The following PLIN4 variants were observed in gnomAD, a reference collection of about 807,000 sequenced individuals.
PLIN4 encodes perilipin-4.
In PLIN4, 57 loss-of-function variants were observed where a neutral mutation model predicts 52.4. The ratio of observed to expected loss-of-function variants is 1.09; its 90% CI spans 0.88 to 1.36. The LOEUF is 1.36. Among genes scored for constraint, PLIN4 ranks in the 40% most tolerant of loss-of-function variants. The probability of loss-of-function intolerance (pLI) is 0.00; values close to 1 mark genes in which losing one functional copy is unlikely to be tolerated. For synonymous variants in PLIN4, 826 were observed against 785.4 expected, an observed-to-expected ratio of 1.05 and a Z score of -0.86; for missense variants, 1,757 against 1,770.3, an observed-to-expected ratio of 0.99 and a Z score of 0.13.
At chr19:4,509,481 C>T (rs1361720818) in intron 5 of PLIN4, among the ~76,000 whole-genome samples, 2 of 150,338 alleles carry the variant, frequency 1.3e-5, no homozygotes, top group Non-Finnish European at 3.0e-5. Flanking sequence ...AATAATTAGC[C>T]GGGTGTGGTG....
intron 4 of PLIN4, 147 bp from the exon 5 acceptor site, chr19:4,513,848 C>G: frequency 9.7e-7 from 1 of 1,032,348 alleles, no homozygotes; most frequent in Non-Finnish European, 1.4e-6. Flanking sequence ...CAAGCTGCTT[C>G]CTCCTCACCC....
In PLIN4 at chr19:4,504,174, A is replaced by G; in HGVS notation, c.*285T>C. ...ATTGCAGTGCTTGCTTGGGGACTTC[A>G]AGGGAAGGCTCTTGGCTGGTGGTCT... On this transcript the variant is annotated 3_prime_UTR_variant, in exon 8 of 8. Transcript: ENST00000301286. The G allele has an allele frequency of 2.6e-6, 1 of 378,786 alleles. No individual in the cohort carries two copies. The highest frequency in any genetic ancestry group is 4.7e-6 in the Non-Finnish European group (1 of 212,356). 23.5% of individuals were successfully genotyped at this position (378,786 alleles called of 1,614,324 possible). A position where few individuals can be genotyped will look rare whatever the true frequency, so the allele number is the denominator to read the frequency against.
rs1392020838 is a variant in PLIN4 at position 4,502,700 on chromosome 19, T to G, written c.*1759A>C. The G allele has an allele frequency of 6.2e-6, 1 of 160,878 alleles. No homozygotes were observed. The highest frequency in any genetic ancestry group is 2.4e-5 in the African/African-American group (1 of 41,498). 10.0% of individuals were successfully genotyped at this position (160,878 alleles called of 1,614,324 possible). A position where few individuals can be genotyped will look rare whatever the true frequency, so the allele number is the denominator to read the frequency against. ...CCAGCTGTGTCACCCACACACCGTG[T>G]GACTTTGGACAGGTTCCCCTCCCAC... On this transcript the variant is annotated 3_prime_UTR_variant, in exon 8 of 8. Coordinates refer to ENST00000301286, the MANE Select transcript of PLIN4 (RefSeq NM_001367868.2).
intron 4 of PLIN4, among the ~76,000 whole-genome samples, chr19:4,514,570 AC>A (rs1489735965): frequency 2.6e-5 from 4 of 151,854 alleles, no homozygotes; most frequent in African/African-American, 7.3e-5. Context: ...CTAAAAAAAT[AC>A]AAAAAATTAG....
rs767768172 is a variant in PLIN4, at chr19:4,502,216, T to A, written c.*2243A>T. 31 of 661,548 alleles carry A rather than the reference T, an allele frequency of 4.7e-5. 1 individual carries two copies. The South Asian group carries it at 5.0e-4, about 11-fold the overall frequency. 41.0% of individuals were successfully genotyped at this position (661,548 alleles called of 1,614,324 possible). A position where few individuals can be genotyped will look rare whatever the true frequency, so the allele number is the denominator to read the frequency against. On this transcript the variant is annotated 3_prime_UTR_variant, in exon 8 of 8. Transcript: ENST00000301286. ...GTTTTTTAATGAAAAAAGAAATCAC[T>A]TTTATTGGCTTGGTTTTCTAGCATT...
At chr19:4,516,533 C>G in intron 4 of PLIN4, 84 bp downstream of exon 4, 1 of 1,474,392 alleles carries the variant, frequency 6.8e-7, no homozygotes, top group African/African-American at 1.4e-5. Flanking sequence ...AGCAGCCCCC[C>G]AGATAGCAGG....
At chr19:4,516,902 A>T (rs1976599040) in intron 3 of PLIN4, among the ~76,000 whole-genome samples, 1 of 152,162 alleles carries the variant, frequency 6.6e-6, no homozygotes, top group South Asian at 2.1e-4. Context: ...TCCCTGAAGT[A>T]GGGCTCTGTG....
intron 6 of PLIN4, among the ~76,000 whole-genome samples, chr19:4,506,211 G>T (rs1444301181): frequency 1.3e-5 from 2 of 152,182 alleles, no homozygotes; most frequent in East Asian, 1.9e-4. Flanking sequence ...TCGAAGCCCA[G>T]GTCCGGCCCA....
At chr19:4,518,123 C>CA in intron 2 of PLIN4, 99 bp downstream of exon 2, 1 of 1,044,382 alleles carries the variant, frequency 9.6e-7, no homozygotes, top group African/African-American at 1.7e-5. Context: ...AGGGAAGCAC[C>CA]TCTCCAGATT....
chr19:4,509,507 C>T (rs191281021), intron 5 of PLIN4, among the ~76,000 whole-genome samples: 9 of 151,656 alleles, frequency 5.9e-5, no homozygotes, highest in East Asian at 5.8e-4. Flanking sequence ...CGCCTATAAT[C>T]GCAGCTACTC....
Position 4,517,584 on chromosome 19 carries a change from C to T in PLIN4, c.166G>A (p.Ala56Thr). 1.2e-6 allele frequency: 2 copies of T among 1,610,516 alleles called. No homozygotes were observed. Among genetic ancestry groups the T allele is most frequent in the Middle Eastern group, 1.8e-4 (1 of 5,558 alleles). Residue 56 changes from alanine (A) to threonine (T), a missense_variant, in exon 3 of 8, where the codon GCT becomes ACT. Ala to Thr is a moderately conservative substitution (Grantham distance 58). Transcript: ENST00000301286. ...GCCTGTGGTTGGGCAGCCTCGGCAGCAGGCGCTCCTGTGGGGTCAGCGGCC... is the reference window on the plus strand; with the variant it reads ...GCCTGTGGTTGGGCAGCCTCGGCAGTAGGCGCTCCTGTGGGGTCAGCGGCC... ...RPAADPTGAPAAEAAQPQAQV... is the reference protein window; with the variant it reads ...RPAADPTGAPTAEAAQPQAQV...
chr19:4,505,539 G>C (rs548541590), intron 6 of PLIN4, among the ~76,000 whole-genome samples: 1 of 152,156 alleles, frequency 6.6e-6, no homozygotes, highest in Non-Finnish European at 1.5e-5. Context: ...GGAGCACAGC[G>C]TGCGGCTTTG....
Position 4,508,969 on chromosome 19 carries a change from C to T in PLIN4, c.3515-14G>A, listed in dbSNP as rs376727680. On this transcript the variant is annotated splice_polypyrimidine_tract_variant and intron_variant, in intron 5 of 7. Transcript: ENST00000301286. ...CAGCCAGCTGAGCTGGAAAGGAAGG[C>T]GCACCGCTCAGTCCCGGAAGCCCCT... 2.3e-4 allele frequency: 368 copies of T among 1,604,840 alleles called. 1 individual carries two copies. The highest frequency in any genetic ancestry group is 2.9e-4 in the Non-Finnish European group (345 of 1,176,088).
intron 6 of PLIN4, among the ~76,000 whole-genome samples, chr19:4,506,323 G>A (rs142096270): frequency 0.015 from 2,347 of 152,222 alleles, 16 homozygotes; most frequent in Non-Finnish European, 0.024. Flanking sequence ...TGCACGGGCC[G>A]TGCCCTCCGC....
intron 6 of PLIN4, 43 bp downstream of exon 6, chr19:4,508,725 G>A: frequency 6.5e-7 from 1 of 1,530,436 alleles, no homozygotes; most frequent in Non-Finnish European, 8.8e-7. Context: ...GGGGTTCTAA[G>A]AAGTGCCCTG....
chr19:4,517,065 C>CCTGGGGCT (rs1228556000), intron 3 of PLIN4, among the ~76,000 whole-genome samples: 6 of 152,200 alleles, frequency 3.9e-5, no homozygotes, highest in Non-Finnish European at 7.3e-5. Context: ...AAGTCAGCTG[C>CCTGGGGCT]CTGGGGCTCT....
Position 4,510,533 on chromosome 19 carries a change from G to A in PLIN4, c.3427C>T (p.Pro1143Ser), listed in dbSNP as rs1168333399. 1.3e-6 allele frequency: 2 copies of A among 1,489,290 alleles called. No homozygotes were observed. Among genetic ancestry groups the A allele is most frequent in the African/African-American group, 1.4e-5 (1 of 71,154 alleles). 92.3% of individuals were successfully genotyped at this position (1,489,290 alleles called of 1,614,324 possible). The change falls in exon 5 of 8, where the codon CCC (proline) becomes TCC (serine). Residue 1143 changes from proline (P) to serine (S), a missense_variant. Transcript: ENST00000301286. ...DTGLLATTHGPEEAPRLAMLQ... is the reference protein window; with the variant it reads ...DTGLLATTHGSEEAPRLAMLQ... ...ATTGCCAAGCGTGGGGCTTCTTCGG[G>A]GCCGTGTGTGGTGGCCAAAAGCCCC... is the stretch of plus-strand genomic sequence containing the variant.
chr19:4,513,502 G>A lies in PLIN4; in HGVS notation c.458C>T (p.Ala153Val), dbSNP rs753234025. 7 of 1,612,704 alleles carry A rather than the reference G, an allele frequency of 4.3e-6. No homozygotes were observed. The highest frequency in any genetic ancestry group is 5.9e-6 in the Non-Finnish European group (7 of 1,179,582). Residue 153 changes from alanine (A) to valine (V), a missense_variant, in exon 5 of 8, where the codon GCC (alanine) becomes GTC (valine). Ala to Val is a moderately conservative substitution (Grantham distance 64, BLOSUM62 0). This residue lies in a region of PLIN4 where 332 missense variants were observed against 310.8 expected (regional missense o/e 1.07). Coordinates refer to ENST00000301286, the MANE Select transcript of PLIN4 (RefSeq NM_001367868.2). ...CGAGGTGTCCAGACCCCCTTGGACG[G>A]CCCCCTTAGCCATGTCCATGGCCCC... ...VTGAMDMAKG[A>V]VQGGLDTSKA...
At chr19:4,508,413 C>A (rs1407233641) in intron 6 of PLIN4, among the ~76,000 whole-genome samples, 5 of 152,172 alleles carry the variant, frequency 3.3e-5, no homozygotes, top group African/African-American at 1.2e-4. Flanking sequence ...ATTACAGGCG[C>A]CTGCCACCAC....
Sources: gnomAD v4.1 joint callset for allele counts (sites outside exome capture counted in the v4.1 genomes callset) on GRCh38, gnomAD v4.1.1 for gene constraint, gnomAD v4.1.1 regional missense constraint, MANE v1.5 for transcripts, NCBI Gene and HGNC (gene_info 2026-07-23, HGNC 2026-07-21) for gene names.